CHCHD3: variants seen among roughly 807,000 people sequenced by gnomAD.
CHCHD3 encodes MICOS complex subunit MIC19.
CHCHD3 carries 20 observed loss-of-function variants against 38.2 expected under a neutral mutation model. The ratio of observed to expected loss-of-function variants is 0.52; its 90% CI spans 0.37 to 0.76. CHCHD3 has a LOEUF of 0.76. Ranked by LOEUF, CHCHD3 falls within the 30% of genes least tolerant of loss-of-function variation. CHCHD3 has a pLI of 0.00. For synonymous variants in CHCHD3, 82 were observed against 100.0 expected (o/e 0.82, Z 1.07); for missense variants, 245 against 279.2 (o/e 0.88, Z 0.87).
At chr7:132,864,427 A>T (rs531834868) in intron 5 of CHCHD3, among the ~76,000 whole-genome samples, 1 of 152,296 alleles carries the variant, frequency 6.6e-6, no homozygotes, top group South Asian at 2.1e-4. Flanking sequence ...AACATCAAAG[A>T]TCACATCATA....
At chr7:132,983,706 T>A (rs1180260702) in intron 3 of CHCHD3, among the ~76,000 whole-genome samples, 2 of 152,086 alleles carry the variant, frequency 1.3e-5, no homozygotes, top group Non-Finnish European at 2.9e-5. Context: ...ATGCTAGAAG[T>A]GCTCCCGAGA....
chr7:132,898,035 A>C (rs1258467953), intron 4 of CHCHD3, among the ~76,000 whole-genome samples: 1 of 151,388 alleles, frequency 6.6e-6, no homozygotes, highest in African/African-American at 2.4e-5. Context: ...ACAGCTCTTA[A>C]GGCGGCGTGT....
chr7:132,813,859 G>A (rs960690922), intron 6 of CHCHD3, among the ~76,000 whole-genome samples: 3 of 152,254 alleles, frequency 2.0e-5, no homozygotes, highest in South Asian at 4.1e-4. Flanking sequence ...TAAAAATCAC[G>A]CCTCCAGCAT....
At chr7:132,831,788 A>T (rs954371026) in intron 6 of CHCHD3, among the ~76,000 whole-genome samples, 3 of 152,184 alleles carry the variant, frequency 2.0e-5, no homozygotes, top group Admixed American at 1.3e-4. Flanking sequence ...TTGCATTGAC[A>T]TTCAGGCTCA....
At chr7:132,835,523 T>A (rs745570090) in intron 6 of CHCHD3, among the ~76,000 whole-genome samples, 17 of 152,166 alleles carry the variant, frequency 1.1e-4, no homozygotes, top group Admixed American at 1.1e-3. Context: ...CATCATGATG[T>A]CAACGTTGTG....
intron 6 of CHCHD3, among the ~76,000 whole-genome samples, chr7:132,804,806 TG>T (rs1322461420): frequency 1.3e-5 from 2 of 152,208 alleles, no homozygotes; most frequent in Non-Finnish European, 2.9e-5. Context: ...GAATTGCAAA[TG>T]TATTTATTTT....
intron 3 of CHCHD3, among the ~76,000 whole-genome samples, chr7:132,976,925 T>C (rs1811782003): frequency 1.3e-5 from 2 of 152,256 alleles, no homozygotes; most frequent in Non-Finnish European, 2.9e-5. Flanking sequence ...TGTGTAGTTT[T>C]GTGTCTTAAA....
chr7:132,853,762 T>C (rs544484125), intron 5 of CHCHD3, among the ~76,000 whole-genome samples: 2 of 152,274 alleles, frequency 1.3e-5, no homozygotes, highest in Admixed American at 1.3e-4. Flanking sequence ...TCATTGTAAA[T>C]CTACTTTTAT....
chr7:132,854,688 AT>A (rs1272089035), intron 5 of CHCHD3, among the ~76,000 whole-genome samples: 1 of 152,130 alleles, frequency 6.6e-6, no homozygotes, highest in East Asian at 1.9e-4. Flanking sequence ...GTCAATGTCC[AT>A]TTTTTATTCA....
At chr7:132,913,141 A>ATTTCTTTTCTCTGGCC (rs1809998085) in intron 4 of CHCHD3, among the ~76,000 whole-genome samples, 2 of 152,188 alleles carry the variant, frequency 1.3e-5, no homozygotes, top group Non-Finnish European at 2.9e-5. Flanking sequence ...GAATGTTGAG[A>ATTTCTTTTCTCTGGCC]TTCCAAAGTG....
At chr7:132,920,453 G>T (rs951675916) in intron 4 of CHCHD3, among the ~76,000 whole-genome samples, 1 of 152,114 alleles carries the variant, frequency 6.6e-6, no homozygotes, top group African/African-American at 2.4e-5. Context: ...CAAAGGAGAT[G>T]CTTATCTGAC....
chr7:132,899,624 G>A (rs943543021), intron 4 of CHCHD3, among the ~76,000 whole-genome samples: 2 of 152,162 alleles, frequency 1.3e-5, no homozygotes, highest in Non-Finnish European at 2.9e-5. Context: ...TGCAGGCCAG[G>A]CAGAGTAAAT....
intron 6 of CHCHD3, among the ~76,000 whole-genome samples, chr7:132,824,533 C>G (rs1214824666): frequency 6.6e-6 from 1 of 152,062 alleles, no homozygotes; most frequent in Non-Finnish European, 1.5e-5. Context: ...CCAGGATGGT[C>G]TCGATTTCCT....
At chr7:132,972,617 G>A in intron 4 of CHCHD3, 1 of 985,376 alleles carries the variant, frequency 1.0e-6, no homozygotes, top group Non-Finnish European at 1.2e-6. Flanking sequence ...ATAACTAAAT[G>A]TCACTGGCAG....
At chr7:133,055,258 ATATAT>A (rs1012386108) in intron 2 of CHCHD3, among the ~76,000 whole-genome samples, 80 of 147,118 alleles carry the variant, frequency 5.4e-4, no homozygotes, top group African/African-American at 1.9e-3. Flanking sequence ...TAATATACTT[ATATAT>A]TATAATTAAT....
At chr7:132,995,368 C>A (rs1488456201) in intron 3 of CHCHD3, among the ~76,000 whole-genome samples, 1 of 152,168 alleles carries the variant, frequency 6.6e-6, no homozygotes, top group Non-Finnish European at 1.5e-5. Flanking sequence ...CCAGAGTTTC[C>A]TTCCGCTCCC....
At chr7:133,012,305 C>T (rs867965373) in intron 3 of CHCHD3, among the ~76,000 whole-genome samples, 3 of 152,140 alleles carry the variant, frequency 2.0e-5, no homozygotes, top group South Asian at 2.1e-4. Context: ...TTAATTTTTA[C>T]CCACCATTTG....
At chr7:132,994,660 A>C (rs6946857) in intron 3 of CHCHD3, among the ~76,000 whole-genome samples, 2,170 of 152,094 alleles carry the variant, frequency 0.014, 53 homozygotes, top group African/African-American at 0.049. Flanking sequence ...CAAATTTTAT[A>C]TCATTGAACA....
At chr7:132,950,285 A>T (rs1375215157) in intron 4 of CHCHD3, among the ~76,000 whole-genome samples, 1 of 152,170 alleles carries the variant, frequency 6.6e-6, no homozygotes, top group Non-Finnish European at 1.5e-5. Flanking sequence ...CCACATAACA[A>T]ACATGTACAG....
Sources: gnomAD v4.1 joint callset for allele counts (sites outside exome capture counted in the v4.1 genomes callset) on GRCh38, gnomAD v4.1.1 for gene constraint, MANE v1.5 for transcripts, NCBI Gene and HGNC (gene_info 2026-07-23, HGNC 2026-07-21) for gene names.